INTS1: variants seen among roughly 807,000 people sequenced by gnomAD.
INTS1 encodes the protein integrator complex subunit 1.
INTS1 carries 137 observed loss-of-function variants against 241.6 expected under a neutral mutation model. The observed-to-expected ratio is 0.57, with a 90% CI of 0.49 to 0.65. INTS1 has a LOEUF of 0.65. Ranked by LOEUF, INTS1 falls within the 30% of genes least tolerant of loss-of-function variation. The probability of loss-of-function intolerance (pLI) is 0.00; values close to 1 mark genes in which losing one functional copy is unlikely to be tolerated. For synonymous variants in INTS1, 1,692 were observed against 1,337.8 expected (o/e 1.26, Z -5.78); for missense variants, 3,073 against 3,032.2 (o/e 1.01, Z -0.32).
chr7:1,496,294 G>A (rs368757414), intron 11 of INTS1, 30 bp from the exon 12 acceptor site: 4 of 1,576,654 alleles, frequency 2.5e-6, no homozygotes, highest in East Asian at 4.5e-5. Context: ...TCTGTATCCA[G>A]AAGGGACACC....
intron 11 of INTS1, among the ~76,000 whole-genome samples, 161 bp downstream of exon 11, chr7:1,496,977 C>G (rs1032115394): frequency 1.3e-4 from 20 of 152,298 alleles, no homozygotes; most frequent in Admixed American, 2.6e-4. Flanking sequence ...CCTATGCTAC[C>G]CTCTGGGACG....
chr7:1,486,986 T>C lies in INTS1; in HGVS notation c.2762A>G (p.Asp921Gly). 6.2e-7 allele frequency: 1 copy of C among 1,608,402 alleles called. No individual in the cohort carries two copies. The highest frequency in any genetic ancestry group is 8.5e-7 in the Non-Finnish European group (1 of 1,179,314). The change falls in exon 21 of 48, where the codon GAT (aspartate) becomes GGT (glycine). Residue 921 changes from aspartate (D) to glycine (G), a missense_variant. By Grantham distance (94) the Asp-to-Gly change is moderately conservative. Coordinates refer to ENST00000404767, the MANE Select transcript of INTS1 (RefSeq NM_001080453.3). Reference sequence around the variant, plus strand: ...GTCGTCCTCCTCCCCGGAAGCAGCATCGTCCACAGCATCGTGCAGCAGGAA... The same window carrying C: ...GTCGTCCTCCTCCCCGGAAGCAGCACCGTCCACAGCATCGTGCAGCAGGAA... ...CEFLLHDAVD[D>G]AASGEEDDEG...
intron 9 of INTS1, 56 bp downstream of exon 9, chr7:1,498,651 C>G (rs1307330916): frequency 2.7e-5 from 41 of 1,531,582 alleles, no homozygotes; most frequent in Middle Eastern, 4.6e-4. Context: ...CGCCCACACC[C>G]CCACCCACAC....
At chr7:1,476,710 G>C in intron 36 of INTS1, 53 bp from the exon 37 acceptor site, 4 of 1,612,180 alleles carry the variant, frequency 2.5e-6, no homozygotes, top group Non-Finnish European at 2.5e-6. Context: ...CAGCATGGGA[G>C]ATACCAGTCA....
rs915257544 is a variant in INTS1, at chr7:1,479,672, T to C, written c.4087A>G (p.Ser1363Gly). The C allele has an allele frequency of 6.8e-7, 1 of 1,469,040 alleles. No individual in the cohort carries two copies. The highest frequency in any genetic ancestry group is 1.4e-5 in the African/African-American group (1 of 69,984). The allele number at this position is 1,469,040 out of a possible 1,614,324, so 91.0% of individuals were successfully genotyped here. A position where few individuals can be genotyped will look rare whatever the true frequency, so the allele number is the denominator to read the frequency against. The stretch of plus-strand genomic sequence containing the variant: ...GAGCTCTGCCACCGAGGGTCCGGGC[T>C]GAGCGGGAAAATCTGGAACGGGGAA... ...AGMFLQIFPL[S>G]PDPRWQSSSP... The change falls in exon 31 of 48, where the codon AGC (serine) becomes GGC (glycine). Residue 1363 changes from serine (S) to glycine (G), a missense_variant. Ser to Gly is a moderately conservative substitution (Grantham distance 56). Transcript: ENST00000404767.
chr7:1,487,629 G>A, intron 19 of INTS1, 131 bp downstream of exon 19: 1 of 1,296,824 alleles, frequency 7.7e-7, no homozygotes, highest in South Asian at 1.3e-5. Flanking sequence ...CGGGGACGGG[G>A]CTCCACAGGC....
Position 1,471,558 on chromosome 7 carries a change from C to G in INTS1, c.6255+13G>C. ...GGCTCCTCCCAGCTCTCCCTCAGCC[C>G]CATCCAGCTCACCGAGAAGAAGCTC... On this transcript the variant is annotated intron_variant, in intron 45 of 47. Coordinates refer to ENST00000404767, the MANE Select transcript of INTS1 (RefSeq NM_001080453.3). The G allele has an allele frequency of 1.2e-6, 2 of 1,611,836 alleles. No homozygotes were observed. The highest frequency in any genetic ancestry group is 1.7e-6 in the Non-Finnish European group (2 of 1,179,518).
rs1781885611 is a variant in INTS1, at chr7:1,479,422, C to T, written c.4329+8G>A. On this transcript the variant is annotated splice_region_variant and intron_variant, in intron 31 of 47. Coordinates refer to ENST00000404767, the MANE Select transcript of INTS1 (RefSeq NM_001080453.3). ...CTCCTCCCCCGCAAGAGGCCCACGC[C>T]CAAGTACCTGGTACTGGCAGAGCTG... is the stretch of plus-strand genomic sequence containing the variant. 6.4e-7 allele frequency: 1 copy of T among 1,570,184 alleles called. No homozygotes were observed.
Position 1,470,572 on chromosome 7 carries a change from C to G in INTS1, c.*5G>C. 1 of 1,548,190 alleles carries G rather than the reference C, an allele frequency of 6.5e-7. No homozygotes were observed. Among genetic ancestry groups the G allele is most frequent in the Non-Finnish European group, 8.7e-7 (1 of 1,146,548 alleles). ...GGGCTTGGAGGGGGGTCGGCTGCCA[C>G]AGGCTCACATCACGGCCTCCATATG... is the stretch of plus-strand genomic sequence containing the variant. On this transcript the variant is annotated 3_prime_UTR_variant, in exon 48 of 48. Coordinates refer to ENST00000404767, the MANE Select transcript of INTS1 (RefSeq NM_001080453.3).
intron 10 of INTS1, among the ~76,000 whole-genome samples, chr7:1,498,187 C>T (rs1562519237): frequency 6.6e-6 from 1 of 152,266 alleles, no homozygotes. Flanking sequence ...CCTAAATGGA[C>T]AGAGTGTCAG....
intron 3 of INTS1, among the ~76,000 whole-genome samples, chr7:1,501,664 C>T (rs1275068147): frequency 6.6e-6 from 1 of 152,226 alleles, no homozygotes; most frequent in Non-Finnish European, 1.5e-5. Context: ...AGGATGAGGC[C>T]TGTGGTCTCT....
Position 1,483,836 on chromosome 7 carries a change from C to G in INTS1, c.3447G>C (p.Gln1149His). Reference sequence around the variant, plus strand: ...CCCCGCTGCTCCAGCGTAGGAAGACCTGGTCCTGAGACTCCGACTGTGGGA... The same window carrying G: ...CCCCGCTGCTCCAGCGTAGGAAGACGTGGTCCTGAGACTCCGACTGTGGGA... Reference protein sequence around the residue: ...EVYSWSESQDQVFLRWSSGET... With the variant: ...EVYSWSESQDHVFLRWSSGET... Residue 1149 changes from glutamine to histidine, a missense_variant, in exon 26 of 48, where the codon CAG becomes CAC. Coordinates refer to ENST00000404767, the MANE Select transcript of INTS1 (RefSeq NM_001080453.3). 7 of 1,611,700 alleles carry G rather than the reference C, an allele frequency of 4.3e-6. No individual in the cohort carries two copies. The highest frequency in any genetic ancestry group is 5.1e-6 in the Non-Finnish European group (6 of 1,178,820).
At position 1,493,591 on chromosome 7, in the gene INTS1, C is replaced by CT. The variant is rs1562512327; in HGVS notation, c.2068+162_2068+163insA. 6.6e-6 allele frequency among the ~76,000 whole-genome samples: 1 copy of CT among 151,868 alleles called. No individual in the cohort carries two copies. Among genetic ancestry groups the CT allele is most frequent in the African/African-American group, 2.4e-5 (1 of 41,348 alleles). On this transcript the variant is annotated intron_variant, in intron 15 of 47. Transcript: ENST00000404767. The surrounding 1 kb of genome is among the most constrained non-coding windows in gnomAD (Gnocchi z 5.3). ...TACACGCACGCTTCTGAATTCCCAA[C>CT]GGCAGATGTGGAGAAGGCAGGTCCC...
chr7:1,474,058 G>C, intron 41 of INTS1, 110 bp downstream of exon 41: 1 of 1,279,198 alleles, frequency 7.8e-7, no homozygotes. Context: ...GCCTGGCCTG[G>C]GCCCTGGCTG....
At chr7:1,499,814 G>T in intron 5 of INTS1, 70 bp downstream of exon 5, 7 of 1,536,774 alleles carry the variant, frequency 4.6e-6, no homozygotes, top group Non-Finnish European at 6.2e-6. Flanking sequence ...ACACACTTCT[G>T]CTTTTCTCTC....
chr7:1,503,927 G>T lies in INTS1; in HGVS notation c.34C>A (p.Pro12Thr). ...CCTGAGGGTTTGGCCGCGGCGCTGG[G>T]CCGGCGCACCGTGGTGGGCTTGGCC... ...NRAKPTTVRRPSAAAKPSGHP... is the reference protein window; with the variant it reads ...NRAKPTTVRRTSAAAKPSGHP... Residue 12 changes from proline (P) to threonine (T), a missense_variant, in exon 2 of 48, where the codon CCC (proline) becomes ACC (threonine). Pro to Thr is a conservative substitution (Grantham distance 38, BLOSUM62 -1). Coordinates refer to ENST00000404767, the MANE Select transcript of INTS1 (RefSeq NM_001080453.3). 6.4e-7 allele frequency: 1 copy of T among 1,572,672 alleles called. No homozygotes were observed. Among genetic ancestry groups the T allele is most frequent in the Non-Finnish European group, 8.6e-7 (1 of 1,159,704 alleles).
At chr7:1,492,445 G>A (rs1432098223) in intron 16 of INTS1, among the ~76,000 whole-genome samples, 1 of 152,164 alleles carries the variant, frequency 6.6e-6, no homozygotes, top group Non-Finnish European at 1.5e-5. Flanking sequence ...TGGGAGGAAT[G>A]AGGAGTGACA....
rs768259844 is a variant in INTS1 at position 1,476,047 on chromosome 7, G to A, written c.5403C>T (p.Asp1801=). The A allele has an allele frequency of 6.5e-7, 1 of 1,545,052 alleles. No individual in the cohort carries two copies. Among genetic ancestry groups the A allele is most frequent in the Non-Finnish European group, 8.7e-7 (1 of 1,146,520 alleles). ...GDSVLGRRCR[D]LLLQLYLQRP... is the part of the protein sequence containing the mutation. ...GCTGTAGGTAGAGCTGCAGGAGAAG[G>A]TCTCGGCAGCGCCTGCCCAGCACGC... The change falls in exon 39 of 48, where the codon GAC becomes GAT. Residue 1801 remains aspartate (D), a synonymous_variant. Coordinates refer to ENST00000404767, the MANE Select transcript of INTS1 (RefSeq NM_001080453.3).
At position 1,493,002 on chromosome 7, in the gene INTS1, G is replaced by C. The variant is rs757433295; in HGVS notation, c.2165+8C>G. The C allele has an allele frequency of 1.3e-4, 208 of 1,609,468 alleles. No homozygotes were observed. Among genetic ancestry groups the C allele is most frequent in the Non-Finnish European group, 1.7e-4 (205 of 1,176,664 alleles). On this transcript the variant is annotated splice_region_variant and intron_variant, in intron 16 of 47. Transcript: ENST00000404767. This position sits in a 1 kb window ranked among gnomAD's most constrained non-coding sequence, Gnocchi z 5.3. Reference sequence around the variant, plus strand: ...CGGGCGGGAGTGGGGAGCGGGGCGTGGGCTTACCCCGGTGGGAGCTGGATG... The same window carrying C: ...CGGGCGGGAGTGGGGAGCGGGGCGTCGGCTTACCCCGGTGGGAGCTGGATG...
Sources: allele counts gnomAD v4.1 joint callset (sites outside exome capture counted in the v4.1 genomes callset), GRCh38; gene constraint gnomAD v4.1.1; non-coding constraint Gnocchi (gnomAD v3.1); transcripts MANE v1.5; gene names NCBI Gene and HGNC (gene_info 2026-07-23, HGNC 2026-07-21).